ATP13A4: variants seen among roughly 807,000 people sequenced by gnomAD.
The protein encoded by ATP13A4 is ATPase 13A4.
A neutral mutation model predicts 142.5 loss-of-function variants in ATP13A4; 114 were observed. The ratio of observed to expected loss-of-function variants is 0.80; its 90% CI spans 0.69 to 0.93. ATP13A4 has a LOEUF of 0.93. ATP13A4 is among the 40% of genes least tolerant of loss of function. The pLI is 0.00. For missense variants in ATP13A4, 1,392 were observed against 1,454.0 expected, an observed-to-expected ratio of 0.96 and a Z score of 0.69; for synonymous variants, 488 against 514.8, an observed-to-expected ratio of 0.95 and a Z score of 0.70.
chr3:193,412,507 AC>A (rs1380402911), intron 26 of ATP13A4, 136 bp from the exon 27 acceptor site: 15 of 18,152 alleles, frequency 8.3e-4, no homozygotes, highest in Admixed American at 1.3e-3. Context: ...GCTTTGGAAA[AC>A]ACACACACAC....
At chr3:193,479,715 G>T (rs1719181851) in intron 8 of ATP13A4, among the ~76,000 whole-genome samples, 1 of 152,042 alleles carries the variant, frequency 6.6e-6, no homozygotes, top group Non-Finnish European at 1.5e-5. Context: ...CAAATTCAAT[G>T]CAATTCCCAT....
At chr3:193,434,039 G>T in intron 24 of ATP13A4, 122 bp from the exon 25 acceptor site, 1 of 829,230 alleles carries the variant, frequency 1.2e-6, no homozygotes, top group Non-Finnish European at 2.0e-6. Flanking sequence ...TGGAGATGCT[G>T]TGTTCGGGGC....
chr3:193,484,701 C>T (rs1390986620), intron 7 of ATP13A4, among the ~76,000 whole-genome samples: 1 of 152,114 alleles, frequency 6.6e-6, no homozygotes, highest in Non-Finnish European at 1.5e-5. Context: ...TTGAGTAACT[C>T]ATTCTTTTAC....
In ATP13A4 at chr3:193,478,431, A is replaced by G. The variant is rs139107434; in HGVS notation, c.808+5505T>C. 1.7e-3 allele frequency among the ~76,000 whole-genome samples: 256 copies of G among 152,088 alleles called. 5 individuals are homozygous for G. The South Asian group carries it at 0.019, about 11-fold the overall frequency. On this transcript the variant is annotated intron_variant, in intron 8 of 29. Transcript: ENST00000342695. ...GATCCAAATAAGCTCAATTAGAAAC[A>G]AAATGGGAGATATTACAACTGATAA...
intron 2 of ATP13A4, among the ~76,000 whole-genome samples, chr3:193,570,241 A>C (rs1359350152): frequency 6.6e-6 from 1 of 152,178 alleles, no homozygotes; most frequent in Non-Finnish European, 1.5e-5. Context: ...TGAGCCCAGG[A>C]GGTCGAGGCT....
At chr3:193,571,912 GGACTTTA>G (rs1724274760) in intron 2 of ATP13A4, among the ~76,000 whole-genome samples, 1 of 152,098 alleles carries the variant, frequency 6.6e-6, no homozygotes, top group African/African-American at 2.4e-5. Flanking sequence ...ACTGAGTTAT[GGACTTTA>G]GACTTTAGTT....
chr3:193,484,099 G>T (rs1719465370), intron 7 of ATP13A4, 94 bp from the exon 8 acceptor site: 4 of 1,041,290 alleles, frequency 3.8e-6, no homozygotes, highest in South Asian at 1.3e-5. Flanking sequence ...ATAGAGCACT[G>T]TCTTACTGCC....
At chr3:193,508,155 C>A (rs182679637) in intron 2 of ATP13A4, among the ~76,000 whole-genome samples, 2 of 152,228 alleles carry the variant, frequency 1.3e-5, no homozygotes, top group East Asian at 3.9e-4. Flanking sequence ...GAGGCCTCAC[C>A]AGAAACCAAC....
At chr3:193,495,768 T>C (rs1054703952) in intron 3 of ATP13A4, among the ~76,000 whole-genome samples, 3 of 152,108 alleles carry the variant, frequency 2.0e-5, no homozygotes, top group East Asian at 3.8e-4. Flanking sequence ...GGCATCAAAA[T>C]TGGAAAAGAA....
At chr3:193,532,554 G>A (rs1722390439) in intron 1 of ATP13A4, among the ~76,000 whole-genome samples, 1 of 151,682 alleles carries the variant, frequency 6.6e-6, no homozygotes, top group South Asian at 2.1e-4. Flanking sequence ...AAGCTGACCA[G>A]AGGGCAGTTA....
chr3:193,433,558 G>C (rs1183196836), intron 25 of ATP13A4, among the ~76,000 whole-genome samples: 1 of 152,142 alleles, frequency 6.6e-6, no homozygotes, highest in Non-Finnish European at 1.5e-5. Flanking sequence ...TAGTGTTCCT[G>C]ATTTTCAAGC....
chr3:193,403,706 GTTATAAC>G (rs1398782706), intron 29 of ATP13A4: 7 of 955,414 alleles, frequency 7.3e-6, no homozygotes, highest in Non-Finnish European at 8.7e-6. Flanking sequence ...TAGAGCCCAA[GTTATAAC>G]TTATAATTCA....
chr3:193,484,119 G>T, intron 7 of ATP13A4, 114 bp from the exon 8 acceptor site: 1 of 884,106 alleles, frequency 1.1e-6, no homozygotes, highest in Non-Finnish European at 1.9e-6. Context: ...CAGTTGAATG[G>T]AATGTACTGG....
intron 18 of ATP13A4, among the ~76,000 whole-genome samples, chr3:193,447,009 G>T (rs1716995005): frequency 6.6e-6 from 1 of 152,160 alleles, no homozygotes; most frequent in Admixed American, 6.5e-5. Flanking sequence ...AAATCTAAGA[G>T]CACCCCTTCA....
chr3:193,459,024 C>T, intron 14 of ATP13A4, 57 bp downstream of exon 14: 1 of 1,600,712 alleles, frequency 6.2e-7, no homozygotes, highest in South Asian at 1.1e-5. Flanking sequence ...CTGATATTGC[C>T]TATGTTGCTC....
rs745825500 is a variant in ATP13A4, at chr3:193,414,648, C to T, written c.2945G>A (p.Ser982Asn). The T allele has an allele frequency of 1.1e-5, 17 of 1,614,050 alleles. No individual in the cohort carries two copies. In the South Asian group the frequency reaches 1.9e-4, roughly 18 times the overall value. The change falls in exon 26 of 30, where the codon AGC (serine) becomes AAC (asparagine). Residue 982 changes from serine (S) to asparagine (N), a missense_variant. By Grantham distance (46) the Ser-to-Asn change is conservative. Transcript: ENST00000342695. ...LLSVIFNILLSLAMHIAGFIL... is the reference protein window; with the variant it reads ...LLSVIFNILLNLAMHIAGFIL... Reference sequence around the variant, plus strand: ...GAAGCCTGCAATATGCATGGCCAGGCTGAGAAGAATGTTGAAAATCACAGA... The same window carrying T: ...GAAGCCTGCAATATGCATGGCCAGGTTGAGAAGAATGTTGAAAATCACAGA...
chr3:193,430,304 G>A (rs1484226268), intron 25 of ATP13A4, among the ~76,000 whole-genome samples: 1 of 152,098 alleles, frequency 6.6e-6, no homozygotes, highest in Non-Finnish European at 1.5e-5. Flanking sequence ...AAGCCTGTAC[G>A]AGGTTGTTCT....
At chr3:193,415,243 T>G (rs569701376) in intron 25 of ATP13A4, among the ~76,000 whole-genome samples, 31 of 152,346 alleles carry the variant, frequency 2.0e-4, no homozygotes, top group African/African-American at 7.5e-4. Context: ...GAACAACATG[T>G]AGTCACTAAA....
chr3:193,402,654 A>C lies in ATP13A4; in HGVS notation c.3589T>G (p.Ter1197GlyextTer14), dbSNP rs534519222. 84 of 889,380 alleles carry C rather than the reference A, an allele frequency of 9.4e-5. No homozygotes were observed. The highest frequency in any genetic ancestry group is 5.7e-4 in the Admixed American group (34 of 59,156). 55.1% of individuals were successfully genotyped at this position (889,380 alleles called of 1,614,324 possible). The change falls in exon 30 of 30, where the codon TGA becomes GGA. Residue 1197 changes from the stop codon to glycine (G), a stop_lost. Coordinates refer to ENST00000342695, the MANE Select transcript of ATP13A4 (RefSeq NM_032279.4). ...TCAACTTGGATATCACATGTCCTTCAGAGTTGTTCTTCATTGCTCTCAAAT... is the reference window on the plus strand; with the variant it reads ...TCAACTTGGATATCACATGTCCTTCCGAGTTGTTCTTCATTGCTCTCAAAT... ...PVFESNEEQL[*>G]
Sources: gnomAD v4.1 joint callset for allele counts (sites outside exome capture counted in the v4.1 genomes callset) on GRCh38, gnomAD v4.1.1 for gene constraint, MANE v1.5 for transcripts, NCBI Gene and HGNC (gene_info 2026-07-23, HGNC 2026-07-21) for gene names.